The following ZNF510 variants were observed in gnomAD, a reference collection of about 807,000 sequenced individuals.
The protein encoded by ZNF510 is zinc finger protein 510.
Under a neutral mutation model 18.1 loss-of-function variants are expected in ZNF510, and 15 were observed. That is an observed-to-expected ratio of 0.83 (90% CI 0.55 to 1.28). The LOEUF (loss-of-function observed/expected upper bound fraction) is 1.28. Among genes scored for constraint, ZNF510 ranks in the 50% most tolerant of loss-of-function variants. The probability of loss-of-function intolerance (pLI) is 0.00; values close to 1 mark genes in which losing one functional copy is unlikely to be tolerated. For missense variants in ZNF510, 724 were observed against 791.8 expected (o/e 0.91, Z 1.03); for synonymous variants, 261 against 266.4 (o/e 0.98, Z 0.20).
At chr9:96,777,973 TG>T (rs1212661951) in intron 1 of ZNF510, 60 bp downstream of exon 1, 2 of 152,288 alleles carry the variant, frequency 1.3e-5, no homozygotes, top group Non-Finnish European at 2.9e-5. Flanking sequence ...TCCCGCCCCC[TG>T]GACACTAGCA....
At chr9:96,770,497 G>A (rs1426071489) in intron 3 of ZNF510, among the ~76,000 whole-genome samples, 1 of 151,938 alleles carries the variant, frequency 6.6e-6, no homozygotes, top group Non-Finnish European at 1.5e-5. Context: ...AGCTACTTGG[G>A]AGGCTGAGGC....
chr9:96,768,795 A>C (rs1013103439), intron 3 of ZNF510, among the ~76,000 whole-genome samples: 4 of 152,332 alleles, frequency 2.6e-5, no homozygotes, highest in East Asian at 3.9e-4. Flanking sequence ...AGTGAAATCT[A>C]TATCAAAATC....
intron 3 of ZNF510, 27 bp from the exon 4 acceptor site, chr9:96,763,659 T>C (rs1849408906): frequency 6.4e-7 from 1 of 1,566,584 alleles, no homozygotes; most frequent in Non-Finnish European, 8.6e-7. Context: ...CTATTCAATC[T>C]GAAGGGTTCA....
intron 3 of ZNF510, among the ~76,000 whole-genome samples, chr9:96,766,618 T>A (rs545589010): frequency 1.3e-5 from 2 of 151,764 alleles, no homozygotes; most frequent in African/African-American, 4.9e-5. Flanking sequence ...CTGCATAACA[T>A]AACTCTCTGG....
intron 3 of ZNF510, among the ~76,000 whole-genome samples, chr9:96,774,556 C>T (rs768193261): frequency 3.3e-5 from 5 of 151,698 alleles, no homozygotes; most frequent in African/African-American, 4.9e-5. Context: ...TACTGTCTGT[C>T]TGGCTCTCTG....
intron 3 of ZNF510, among the ~76,000 whole-genome samples, chr9:96,764,209 TAA>T (rs1849418706): frequency 6.6e-6 from 1 of 152,214 alleles, no homozygotes; most frequent in Admixed American, 6.5e-5. Context: ...CCAAAAAATG[TAA>T]ATAAACTTCC....
chr9:96,756,128 T>C lies in ZNF510; in HGVS notation c.*2650A>G, dbSNP rs1849187900. On this transcript the variant is annotated 3_prime_UTR_variant, in exon 6 of 6. Coordinates refer to ENST00000223428, the MANE Select transcript of ZNF510 (RefSeq NM_014930.3). ...AAGCAGCTGTGACTTTTACCCCCAC[T>C]GTACAAAGAAAGGGTGCTTTTTAAT... is the stretch of plus-strand genomic sequence containing the variant. 1 of 149,460 alleles carries C rather than the reference T, an allele frequency of 6.7e-6. No homozygotes were observed. The allele number at this position is 149,460 out of a possible 1,614,324, so 9.3% of individuals were successfully genotyped here. A position where few individuals can be genotyped will look rare whatever the true frequency, so the allele number is the denominator to read the frequency against.
intron 3 of ZNF510, among the ~76,000 whole-genome samples, chr9:96,768,655 C>T (rs963381315): frequency 2.0e-5 from 3 of 152,154 alleles, no homozygotes; most frequent in Admixed American, 1.3e-4. Flanking sequence ...ATGACTTATA[C>T]GTGAACACTA....
At position 96,757,568 on chromosome 9, in the gene ZNF510, AAT is replaced by A. The variant is rs1314751283; in HGVS notation, c.*1208_*1209del. On this transcript the variant is annotated 3_prime_UTR_variant, in exon 6 of 6. Coordinates refer to ENST00000223428, the MANE Select transcript of ZNF510 (RefSeq NM_014930.3). ...GATAACTAAATTATGTGTAGAAACA[AAT>A]AGACTCAAACATGTGAAAGCTCAAC... 6.6e-6 allele frequency: 1 copy of A among 152,184 alleles called. No homozygotes were observed. Among genetic ancestry groups the A allele is most frequent in the Non-Finnish European group, 1.5e-5 (1 of 68,032 alleles). The allele number at this position is 152,184 out of a possible 1,614,324, so 9.4% of individuals were successfully genotyped here.
Position 96,776,121 on chromosome 9 carries a change from G to A in ZNF510, c.-52C>T, listed in dbSNP as rs1849698125. ...GGGGATGAAGAAGTGCCGCTGGTTG[G>A]GCAAATCAAGACCTGCTCCTTTCTG... is the stretch of plus-strand genomic sequence containing the variant. On this transcript the variant is annotated 5_prime_UTR_variant, in exon 2 of 6. Coordinates refer to ENST00000223428, the MANE Select transcript of ZNF510 (RefSeq NM_014930.3). 1 of 1,559,216 alleles carries A rather than the reference G, an allele frequency of 6.4e-7. No individual in the cohort carries two copies. The highest frequency in any genetic ancestry group is 1.4e-5 in the African/African-American group (1 of 73,738).
intron 2 of ZNF510, 98 bp from the exon 3 acceptor site, chr9:96,774,944 A>G (rs1849659337): frequency 2.0e-6 from 2 of 995,704 alleles, no homozygotes; most frequent in South Asian, 2.9e-5. Context: ...CCTCTCTACA[A>G]AAAATGTTCC....
At chr9:96,770,244 C>T (rs1202798326) in intron 3 of ZNF510, among the ~76,000 whole-genome samples, 1 of 152,106 alleles carries the variant, frequency 6.6e-6, no homozygotes, top group Non-Finnish European at 1.5e-5. Flanking sequence ...GAATGATGTA[C>T]TGATACGTAC....
chr9:96,769,612 G>A (rs780706503), intron 3 of ZNF510, among the ~76,000 whole-genome samples: 114 of 152,094 alleles, frequency 7.5e-4, no homozygotes, highest in Non-Finnish European at 1.3e-3. Flanking sequence ...AAACTTTTGT[G>A]CAAAGGATAC....
At chr9:96,763,697 G>T in intron 3 of ZNF510, 65 bp from the exon 4 acceptor site, 1 of 1,441,338 alleles carries the variant, frequency 6.9e-7, no homozygotes, top group Non-Finnish European at 9.2e-7. Context: ...AAATAGCCAT[G>T]AAAACAATTC....
intron 3 of ZNF510, among the ~76,000 whole-genome samples, chr9:96,768,641 G>A (rs1034182126): frequency 2.6e-5 from 4 of 151,976 alleles, no homozygotes; most frequent in African/African-American, 9.7e-5. Flanking sequence ...AACCAAGAAG[G>A]TACATGACTT....
intron 4 of ZNF510, 55 bp downstream of exon 4, chr9:96,763,448 TAAA>T (rs1343204431): frequency 3.2e-6 from 5 of 1,538,540 alleles, no homozygotes; most frequent in Non-Finnish European, 3.5e-6. Context: ...TATTGGCACT[TAAA>T]AAAGAAATAC....
In ZNF510 at chr9:96,760,389, T is replaced by C. The variant is rs41281908; in HGVS notation, c.441A>G (p.Thr147=). 5,491 of 1,613,740 alleles carry C rather than the reference T, an allele frequency of 3.4e-3. 151 individuals are homozygous for C. The African/African-American group carries it at 0.062, about 18-fold the overall frequency. The change falls in exon 6 of 6, where the codon ACA becomes ACG. Residue 147 remains threonine (T), a synonymous_variant. Transcript: ENST00000223428. ...AAACTTTCTCTTCCTCTGTAGTCAA[T>C]GTTTTATTATTGATACATATTGCTT... The part of the protein sequence containing the change: ...LEQAICINNK[T]LTTEEEKVLG...
chr9:96,766,689 T>A (rs1220696869), intron 3 of ZNF510, among the ~76,000 whole-genome samples: 5 of 151,894 alleles, frequency 3.3e-5, no homozygotes, highest in Admixed American at 2.0e-4. Context: ...AAAATTACAA[T>A]CATACAGCGT....
rs1006873717 is a variant in ZNF510 at position 96,755,806 on chromosome 9, T to A, written c.*2972A>T. 3.9e-5 allele frequency: 6 copies of A among 152,248 alleles called. No individual in the cohort carries two copies. The highest frequency in any genetic ancestry group is 8.8e-5 in the Non-Finnish European group (6 of 68,044). 9.4% of individuals were successfully genotyped at this position (152,248 alleles called of 1,614,324 possible). On this transcript the variant is annotated 3_prime_UTR_variant, in exon 6 of 6. Transcript: ENST00000223428. ...CAATGGCATATGAAGTACTGGCTAT[T>A]TATCCAGAAGGAAAAAAGTTTTGTA... is the stretch of plus-strand genomic sequence containing the variant.
Sources: gnomAD v4.1 joint callset for allele counts (sites outside exome capture counted in the v4.1 genomes callset) on GRCh38, gnomAD v4.1.1 for gene constraint, MANE v1.5 for transcripts, NCBI Gene and HGNC (gene_info 2026-07-23, HGNC 2026-07-21) for gene names.